Variants in ARPP21 observed in about 807,000 individuals in gnomAD.
ARPP21 encodes the protein cAMP-regulated phosphoprotein 21.
Under a neutral mutation model 113.2 loss-of-function variants are expected in ARPP21, and 69 were observed. That is an observed-to-expected ratio of 0.61 (90% CI 0.50 to 0.74). The LOEUF is 0.74. Among genes scored for constraint, ARPP21 ranks in the 30% least tolerant of loss-of-function variants. The pLI, the probability that ARPP21 is intolerant of heterozygous loss-of-function variation, is 0.00. For missense variants in ARPP21, 1,070 were observed against 1,037.4 expected (o/e 1.03, Z -0.43); for synonymous variants, 368 against 375.5 (o/e 0.98, Z 0.23).
At chr3:35,684,300 C>T in intron 5 of ARPP21, 1 of 1,116,974 alleles carries the variant, frequency 9.0e-7, no homozygotes, top group Non-Finnish European at 1.1e-6. Context: ...ACTTTTATGG[C>T]TTTGGTGGAG....
At chr3:35,715,344 T>G (rs761437743) in intron 11 of ARPP21, 95 bp from the exon 12 acceptor site, 2 of 967,162 alleles carry the variant, frequency 2.1e-6, no homozygotes, top group Non-Finnish European at 3.3e-6. Context: ...TCTTTTCCCC[T>G]ATGAGGGGAA....
intron 13 of ARPP21, among the ~76,000 whole-genome samples, chr3:35,719,867 T>C (rs1424265778): frequency 1.3e-5 from 2 of 152,252 alleles, no homozygotes; most frequent in Non-Finnish European, 2.9e-5. Context: ...TGCTAGACTT[T>C]GTAAAACATA....
At chr3:35,666,934 A>G (rs1291819065) in intron 1 of ARPP21, among the ~76,000 whole-genome samples, 1 of 152,210 alleles carries the variant, frequency 6.6e-6, no homozygotes, top group Non-Finnish European at 1.5e-5. Context: ...CACTGGCATC[A>G]CTATGGCATG....
intron 19 of ARPP21, among the ~76,000 whole-genome samples, chr3:35,771,634 G>T (rs1296623761): frequency 6.6e-6 from 1 of 152,114 alleles, no homozygotes; most frequent in East Asian, 1.9e-4. Flanking sequence ...TGGACAGGAG[G>T]TAATGATATT....
intron 5 of ARPP21, among the ~76,000 whole-genome samples, chr3:35,686,174 C>T (rs2080500908): frequency 6.6e-6 from 1 of 151,644 alleles, no homozygotes; most frequent in Non-Finnish European, 1.5e-5. Context: ...AACTGTCAAA[C>T]TGAATCTTCC....
chr3:35,667,911 A>AAG (rs1396711828), intron 1 of ARPP21, among the ~76,000 whole-genome samples: 8 of 80,318 alleles, frequency 1.0e-4, no homozygotes, highest in African/African-American at 4.0e-4. Context: ...GAGGAAGAGG[A>AAG]AGGAGGAGGA....
intron 2 of ARPP21, 195 bp from the exon 3 acceptor site, chr3:35,681,519 G>T (rs1212431541): frequency 2.1e-5 from 10 of 481,680 alleles, no homozygotes; most frequent in Non-Finnish European, 3.8e-6. Context: ...GTGTAAAGGG[G>T]GTGTGGATGG....
In ARPP21 at chr3:35,793,837, C is replaced by T; in HGVS notation, c.2423C>T (p.Pro808Leu). ...PVYCNVTPPT[P>L]QNNLRLIGPH... Reference sequence around the variant, plus strand: ...TACTGTAATGTCACACCGCCCACCCCTCAGAACAACCTTAGGCTGATTGGC... The same window carrying T: ...TACTGTAATGTCACACCGCCCACCCTTCAGAACAACCTTAGGCTGATTGGC... Residue 808 changes from proline (P) to leucine (L), a missense_variant, in exon 21 of 21, where the codon CCT (proline) becomes CTT (leucine). By Grantham distance (98) the Pro-to-Leu change is moderately conservative. Transcript: ENST00000684406. 6.2e-7 allele frequency: 1 copy of T among 1,614,230 alleles called. No individual in the cohort carries two copies. Among genetic ancestry groups the T allele is most frequent in the Non-Finnish European group, 8.5e-7 (1 of 1,180,042 alleles).
chr3:35,716,192 G>A (rs2092368662), intron 12 of ARPP21, among the ~76,000 whole-genome samples: 2 of 151,856 alleles, frequency 1.3e-5, no homozygotes, highest in African/African-American at 2.4e-5. Flanking sequence ...GGATACTCAG[G>A]GCAAATTAAG....
chr3:35,756,330 T>C (rs114505553), intron 19 of ARPP21, among the ~76,000 whole-genome samples: 1 of 152,234 alleles, frequency 6.6e-6, no homozygotes, highest in Non-Finnish European at 1.5e-5. Context: ...GTGACAGTCT[T>C]ATGAGTGGGT....
chr3:35,704,931 A>G lies in ARPP21; in HGVS notation c.687-2043A>G, dbSNP rs548998253. 1.8e-4 allele frequency among the ~76,000 whole-genome samples: 28 copies of G among 152,234 alleles called. No individual in the cohort carries two copies. The South Asian group carries it at 2.1e-3, about 11-fold the overall frequency. On this transcript the variant is annotated intron_variant, in intron 9 of 20. Coordinates refer to ENST00000684406, the MANE Select transcript of ARPP21 (RefSeq NM_001385562.1). ...CACTTTAATGCTTTTCAACCTAAAT[A>G]AGTCAATCTATAACAAATTCACTTT...
chr3:35,675,420 T>C (rs1368389909), intron 1 of ARPP21, among the ~76,000 whole-genome samples: 3 of 151,834 alleles, frequency 2.0e-5, no homozygotes, highest in Non-Finnish European at 2.9e-5. Flanking sequence ...GTGACATTGA[T>C]TTTGGTCAAA....
chr3:35,782,080 C>G (rs2096537987), intron 19 of ARPP21, among the ~76,000 whole-genome samples: 1 of 152,284 alleles, frequency 6.6e-6, no homozygotes, highest in East Asian at 1.9e-4. Flanking sequence ...TCAGAGGAAA[C>G]TTGATCCTGA....
chr3:35,685,468 T>A (rs1459790213), intron 5 of ARPP21: 10 of 985,076 alleles, frequency 1.0e-5, no homozygotes, highest in African/African-American at 1.8e-5. Flanking sequence ...AGAAACAGAC[T>A]TTTGAGTTTA....
intron 9 of ARPP21, among the ~76,000 whole-genome samples, chr3:35,705,144 C>A (rs1270126209): frequency 6.6e-6 from 1 of 151,912 alleles, no homozygotes; most frequent in Non-Finnish European, 1.5e-5. Flanking sequence ...AGCATTGATA[C>A]AATCAACATC....
intron 19 of ARPP21, among the ~76,000 whole-genome samples, chr3:35,754,874 A>C (rs2095520985): frequency 6.6e-6 from 1 of 152,022 alleles, no homozygotes; most frequent in Non-Finnish European, 1.5e-5. Context: ...AGTAAGACAA[A>C]TTATAGCATT....
chr3:35,651,142 G>A (rs13059552), intron 1 of ARPP21, among the ~76,000 whole-genome samples: 4,871 of 152,106 alleles, frequency 0.032, 108 homozygotes, highest in Middle Eastern at 0.054. Flanking sequence ...AAACCACAGA[G>A]GAATAAAAGA....
chr3:35,658,310 T>C (rs1705976053), intron 1 of ARPP21, among the ~76,000 whole-genome samples: 1 of 152,124 alleles, frequency 6.6e-6, no homozygotes, highest in Non-Finnish European at 1.5e-5. Context: ...TTCTCTTTCT[T>C]TCTTCTTCCC....
In ARPP21 at chr3:35,719,098, G is replaced by A. The variant is rs115376259; in HGVS notation, c.995+1741G>A. 3.6e-3 allele frequency among the ~76,000 whole-genome samples: 543 copies of A among 151,944 alleles called. 4 individuals carry two copies. The highest frequency in any genetic ancestry group is 0.012 in the African/African-American group (503 of 41,250). On this transcript the variant is annotated intron_variant, in intron 13 of 20. Coordinates refer to ENST00000684406, the MANE Select transcript of ARPP21 (RefSeq NM_001385562.1). ...TATCATCTTCCTGGATTCCAGTAGG[G>A]GAGGAACAAGACTGGGCTTAGGAGA...
Sources: gnomAD v4.1 joint callset for allele counts (sites outside exome capture counted in the v4.1 genomes callset) on GRCh38, gnomAD v4.1.1 for gene constraint, MANE v1.5 for transcripts, NCBI Gene and HGNC (gene_info 2026-07-23, HGNC 2026-07-21) for gene names.